The following CTDP1 variants were observed in gnomAD, a reference collection of about 807,000 sequenced individuals.
CTDP1 encodes CTD phosphatase 1.
In CTDP1, 47 loss-of-function variants were observed where a neutral mutation model predicts 91.8. The ratio of observed to expected loss-of-function variants is 0.51; its 90% CI spans 0.41 to 0.65. The LOEUF (loss-of-function observed/expected upper bound fraction) is 0.65, where lower values mean the gene tolerates loss of function less well. Among genes scored for constraint, CTDP1 ranks in the 30% least tolerant of loss-of-function variants. The probability of loss-of-function intolerance (pLI) is 0.00; values close to 1 mark genes in which losing one functional copy is unlikely to be tolerated. For synonymous variants in CTDP1, 656 were observed against 598.5 expected (o/e 1.10, Z -1.40); for missense variants, 1,272 against 1,373.7 (o/e 0.93, Z 1.17).
intron 1 of CTDP1, among the ~76,000 whole-genome samples, chr18:79,682,174 C>T (rs925503099): frequency 1.3e-5 from 2 of 152,174 alleles, no homozygotes; most frequent in African/African-American, 4.8e-5. Flanking sequence ...TGACGGTCGG[C>T]TCCGTGTGGT....
At position 79,704,910 on chromosome 18, in the gene CTDP1, C is replaced by T. The variant is rs146625576; in HGVS notation, c.765C>T (p.Thr255=). The change falls in exon 5 of 13, where the codon ACC becomes ACT. Residue 255 remains threonine, a synonymous_variant. Coordinates refer to ENST00000613122, the MANE Select transcript of CTDP1 (RefSeq NM_004715.5). ...FTFGSRLYAH[T]IAGFLDPEKK... ...TCGGCAGCCGGCTGTACGCACACAC[C>T]ATCGCAGGTCAGTCAAGCCGCAGCC... 32 of 1,613,148 alleles carry T rather than the reference C, an allele frequency of 2.0e-5. No individual in the cohort carries two copies. Among genetic ancestry groups the T allele is most frequent in the Non-Finnish European group, 2.7e-5 (32 of 1,180,040 alleles).
At chr18:79,714,414 G>A (rs1475721397) in intron 7 of CTDP1, 77 bp from the exon 8 acceptor site, 2 of 1,528,244 alleles carry the variant, frequency 1.3e-6, no homozygotes, top group African/African-American at 2.7e-5. Context: ...ATGGAGAAGG[G>A]TGCTGCTTTA....
rs1313603255 is a variant in CTDP1, at chr18:79,754,051, G to T, written c.*261G>T. On this transcript the variant is annotated 3_prime_UTR_variant, in exon 13 of 13. Coordinates refer to ENST00000613122, the MANE Select transcript of CTDP1 (RefSeq NM_004715.5). ...AAAGAGCTCAGCAGAGGCTCACGTGGCCCAGGCTGGTGCGCCCGCTGTCTC... is the reference window on the plus strand; with the variant it reads ...AAAGAGCTCAGCAGAGGCTCACGTGTCCCAGGCTGGTGCGCCCGCTGTCTC... 4.9e-5 allele frequency: 26 copies of T among 530,898 alleles called. No individual in the cohort carries two copies. The East Asian group carries it at 9.2e-4, about 19-fold the overall frequency. The allele number at this position is 530,898 out of a possible 1,614,324, so 32.9% of individuals were successfully genotyped here. A position where few individuals can be genotyped will look rare whatever the true frequency, so the allele number is the denominator to read the frequency against.
At chr18:79,683,173 T>A (rs1444661520) in intron 1 of CTDP1, 1 of 152,200 alleles carries the variant, frequency 6.6e-6, no homozygotes, top group African/African-American at 2.4e-5. Context: ...ACTAAGCAAG[T>A]TCCCAGAATT....
At chr18:79,750,444 G>A (rs910036877) in intron 12 of CTDP1, among the ~76,000 whole-genome samples, 7 of 151,802 alleles carry the variant, frequency 4.6e-5, no homozygotes, top group Middle Eastern at 6.8e-3. Flanking sequence ...AAATAAATTC[G>A]TTTAAAACTT....
At chr18:79,702,052 T>TA (rs2122539718) in intron 4 of CTDP1, among the ~76,000 whole-genome samples, 1 of 152,380 alleles carries the variant, frequency 6.6e-6, no homozygotes, top group South Asian at 2.1e-4. Flanking sequence ...TCCATCAACT[T>TA]AGTTGGTAAA....
At chr18:79,682,503 A>T (rs1424943192) in intron 1 of CTDP1, among the ~76,000 whole-genome samples, 4 of 152,352 alleles carry the variant, frequency 2.6e-5, no homozygotes. Flanking sequence ...GTTCCAGCTC[A>T]GCAGCTCTTT....
At position 79,714,561 on chromosome 18, in the gene CTDP1, G is replaced by C; in HGVS notation, c.1101G>C (p.Gln367His). 6.2e-7 allele frequency: 1 copy of C among 1,613,152 alleles called. No individual in the cohort carries two copies. The highest frequency in any genetic ancestry group is 8.5e-7 in the Non-Finnish European group (1 of 1,180,036). ...TGAGAGACCCTGAGGGGGTAACGCA[G>C]GCCCCTGGAGTGGAGCCCAGCAATG... Reference protein sequence around the residue: ...PPVRDPEGVTQAPGVEPSNGL... With the variant: ...PPVRDPEGVTHAPGVEPSNGL... Residue 367 changes from glutamine to histidine, a missense_variant, in exon 8 of 13, where the codon CAG (glutamine) becomes CAC (histidine). Physicochemically the swap from Gln to His is conservative, Grantham distance 24. Coordinates refer to ENST00000613122, the MANE Select transcript of CTDP1 (RefSeq NM_004715.5).
At chr18:79,688,204 T>TG (rs1057253632) in intron 1 of CTDP1, among the ~76,000 whole-genome samples, 3 of 152,248 alleles carry the variant, frequency 2.0e-5, no homozygotes, top group African/African-American at 7.2e-5. Flanking sequence ...GACTCCAGCC[T>TG]GGGGCTCCCA....
intron 4 of CTDP1, among the ~76,000 whole-genome samples, chr18:79,700,815 A>G (rs2085842480): frequency 1.3e-5 from 2 of 152,246 alleles, no homozygotes; most frequent in South Asian, 2.1e-4. Context: ...TCTGGCTTCA[A>G]AGGACAGGCT....
chr18:79,684,984 G>A lies in CTDP1; in HGVS notation c.314+4723G>A, dbSNP rs57125450. Among the ~76,000 whole-genome samples the A allele has an allele frequency of 3.3e-3, 311 of 92,918 alleles. 2 individuals are homozygous for A. Among genetic ancestry groups the A allele is most frequent in the Middle Eastern group, 0.027 (4 of 146 alleles). The allele number at this position is 92,918 out of a possible 152,430, so 61.0% of individuals were successfully genotyped here. Reference sequence around the variant, plus strand: ...GGTTTCTCTGCGGTGCTCCTTACGGGGTGTGAGGTCCTGGTGAGGAGGACG... The same window carrying A: ...GGTTTCTCTGCGGTGCTCCTTACGGAGTGTGAGGTCCTGGTGAGGAGGACG... On this transcript the variant is annotated intron_variant, in intron 1 of 12. Coordinates refer to ENST00000613122, the MANE Select transcript of CTDP1 (RefSeq NM_004715.5).
At chr18:79,704,472 G>A (rs191706309) in intron 4 of CTDP1, among the ~76,000 whole-genome samples, 6 of 151,480 alleles carry the variant, frequency 4.0e-5, no homozygotes, top group African/African-American at 1.2e-4. Context: ...CCTCTGTCCC[G>A]TGTGGAGGGG....
Position 79,753,976 on chromosome 18 carries a change from A to T in CTDP1, c.*186A>T. 2 of 817,902 alleles carry T rather than the reference A, an allele frequency of 2.4e-6. No homozygotes were observed. The highest frequency in any genetic ancestry group is 1.8e-5 in the South Asian group (1 of 56,976). The allele number at this position is 817,902 out of a possible 1,614,324, so 50.7% of individuals were successfully genotyped here. On this transcript the variant is annotated 3_prime_UTR_variant, in exon 13 of 13. Coordinates refer to ENST00000613122, the MANE Select transcript of CTDP1 (RefSeq NM_004715.5). ...GTTTTTAAGAAGTTTTACTACAGGA[A>T]TGTCTACTTTTGTAAGTGACAGGTG...
chr18:79,744,563 C>T (rs1035884781), intron 12 of CTDP1, among the ~76,000 whole-genome samples: 1 of 152,148 alleles, frequency 6.6e-6, no homozygotes, highest in Non-Finnish European at 1.5e-5. Flanking sequence ...TGGAGTGTTC[C>T]GCTAATATCA....
At chr18:79,716,175 T>C (rs956900937) in intron 8 of CTDP1, among the ~76,000 whole-genome samples, 1 of 152,230 alleles carries the variant, frequency 6.6e-6, no homozygotes, top group Non-Finnish European at 1.5e-5. Context: ...TTTCCGCGAA[T>C]GAAGATTGCG....
intron 8 of CTDP1, among the ~76,000 whole-genome samples, chr18:79,716,753 C>T (rs673582): frequency 0.76 from 115,805 of 152,260 alleles, 44,303 homozygotes; most frequent in Middle Eastern, 0.79. Context: ...GCATTCCTTC[C>T]TTCCCCCTGA....
At chr18:79,717,187 TGGTGGGGTGTAGCCG>T (rs1460431958) in intron 8 of CTDP1, among the ~76,000 whole-genome samples, 3 of 137,772 alleles carry the variant, frequency 2.2e-5, no homozygotes, top group Non-Finnish European at 4.6e-5. Context: ...CCCTGGGCCC[TGGTGGGGTGTAGCCG>T]GGTGGGGGCC....
upstream of CTDP1, chr18:79,679,434 G>A (rs1159545995): frequency 4.4e-6 from 2 of 456,174 alleles, no homozygotes; most frequent in Non-Finnish European, 8.8e-6. Context: ...CGCGGTGCAT[G>A]CCGGAACTCG....
intron 10 of CTDP1, among the ~76,000 whole-genome samples, chr18:79,721,172 C>G (rs896146036): frequency 5.3e-5 from 8 of 152,226 alleles, no homozygotes; most frequent in East Asian, 1.9e-4. Context: ...CACAGCCACT[C>G]TCACCACTGC....
Sources: gnomAD v4.1 joint callset for allele counts (sites outside exome capture counted in the v4.1 genomes callset) on GRCh38, gnomAD v4.1.1 for gene constraint, MANE v1.5 for transcripts, NCBI Gene and HGNC (gene_info 2026-07-23, HGNC 2026-07-21) for gene names.